LRP1B: variants seen among roughly 807,000 people sequenced by gnomAD.
LRP1B encodes low-density lipoprotein receptor-related protein 1B.
In LRP1B, 217 loss-of-function variants were observed where a neutral mutation model predicts 556.6. That is an observed-to-expected ratio of 0.39 (90% CI 0.35 to 0.44). LRP1B has a LOEUF of 0.44. LRP1B is among the 20% of genes least tolerant of loss of function. The pLI is 1.00. For synonymous variants in LRP1B, 2,047 were observed against 1,865.8 expected, an observed-to-expected ratio of 1.10 and a Z score of -2.50; for missense variants, 5,053 against 5,620.8, an observed-to-expected ratio of 0.90 and a Z score of 3.23.
chr2:141,019,131 A>G (rs1697993740), intron 12 of LRP1B, among the ~76,000 whole-genome samples: 1 of 152,124 alleles, frequency 6.6e-6, no homozygotes. Flanking sequence ...CATCTTTGAT[A>G]TTTCTATAAG....
At chr2:140,670,446 A>G (rs1685438129) in intron 41 of LRP1B, among the ~76,000 whole-genome samples, 1 of 152,202 alleles carries the variant, frequency 6.6e-6, no homozygotes, top group Non-Finnish European at 1.5e-5. Flanking sequence ...TAAATTTGCA[A>G]GTAATGGATA....
intron 51 of LRP1B, among the ~76,000 whole-genome samples, chr2:140,514,026 A>G (rs1052754041): frequency 2.0e-5 from 3 of 152,010 alleles, no homozygotes; most frequent in Admixed American, 1.3e-4. Flanking sequence ...GAATAATTCT[A>G]TTTAACTATT....
intron 2 of LRP1B, among the ~76,000 whole-genome samples, chr2:141,644,406 G>T (rs963144795): frequency 3.9e-5 from 6 of 152,034 alleles, no homozygotes; most frequent in African/African-American, 1.4e-4. Flanking sequence ...ATGATAGTGA[G>T]GGCGCCCAGC....
chr2:140,289,301 G>A (rs563544548), intron 84 of LRP1B, among the ~76,000 whole-genome samples: 3 of 151,884 alleles, frequency 2.0e-5, no homozygotes, highest in South Asian at 2.1e-4. Context: ...TTCGAAGTCC[G>A]CTTTATCTAA....
chr2:140,623,412 C>A (rs1181179167), intron 41 of LRP1B, among the ~76,000 whole-genome samples: 1 of 151,756 alleles, frequency 6.6e-6, no homozygotes, highest in African/African-American at 2.4e-5. Context: ...AATTTTTTCT[C>A]CTTATCTAGT....
At chr2:141,043,171 C>G (rs903490168) in intron 11 of LRP1B, among the ~76,000 whole-genome samples, 1 of 149,662 alleles carries the variant, frequency 6.7e-6, no homozygotes, top group Non-Finnish European at 1.5e-5. Flanking sequence ...CCACTGCACT[C>G]CAGCCTGGAT....
At chr2:141,362,153 A>C (rs1688847148) in intron 3 of LRP1B, among the ~76,000 whole-genome samples, 1 of 152,152 alleles carries the variant, frequency 6.6e-6, no homozygotes, top group Non-Finnish European at 1.5e-5. Context: ...CCTTTTCATC[A>C]GTTATTTCTT....
At chr2:141,487,516 T>C (rs1683164672) in intron 2 of LRP1B, among the ~76,000 whole-genome samples, 2 of 152,172 alleles carry the variant, frequency 1.3e-5, no homozygotes. Flanking sequence ...AAAATTATAA[T>C]GGTTCTCAAT....
At chr2:140,922,701 C>T (rs891765495) in intron 21 of LRP1B, among the ~76,000 whole-genome samples, 6 of 151,940 alleles carry the variant, frequency 3.9e-5, no homozygotes, top group Admixed American at 3.9e-4. Flanking sequence ...AAATTAAATC[C>T]TAAGTCTGAC....
chr2:140,382,213 T>G (rs1308593505), intron 67 of LRP1B, among the ~76,000 whole-genome samples: 2 of 152,160 alleles, frequency 1.3e-5, no homozygotes, highest in African/African-American at 4.8e-5. Context: ...ACAAATAATC[T>G]TCTGATAGAA....
intron 7 of LRP1B, among the ~76,000 whole-genome samples, chr2:141,137,920 A>G (rs547776135): frequency 6.6e-6 from 1 of 151,838 alleles, no homozygotes; most frequent in East Asian, 1.9e-4. Context: ...TACCAAGGAA[A>G]GTACTTCCAA....
intron 6 of LRP1B, among the ~76,000 whole-genome samples, chr2:141,207,597 T>TTG (rs1379176690): frequency 6.6e-6 from 1 of 152,148 alleles, no homozygotes; most frequent in Admixed American, 6.5e-5. Context: ...AAATAATATT[T>TTG]TGTGTGTGTG....
chr2:142,040,447 C>A (rs963139096), intron 1 of LRP1B, among the ~76,000 whole-genome samples: 4 of 151,280 alleles, frequency 2.6e-5, no homozygotes, highest in African/African-American at 9.7e-5. Flanking sequence ...TCCCTTATCT[C>A]TTTTTTAGTT....
intron 31 of LRP1B, among the ~76,000 whole-genome samples, chr2:140,816,772 A>T (rs1181472023): frequency 1.3e-5 from 2 of 152,094 alleles, no homozygotes; most frequent in Non-Finnish European, 2.9e-5. Flanking sequence ...AAAACTGGTG[A>T]CATATGCTTT....
chr2:140,472,072 C>A (rs930449603), intron 60 of LRP1B, among the ~76,000 whole-genome samples: 1 of 152,176 alleles, frequency 6.6e-6, no homozygotes. Context: ...TTTGCACCTA[C>A]TTCTTACCCA....
chr2:140,366,779 G>T (rs1682781196), intron 71 of LRP1B, among the ~76,000 whole-genome samples: 1 of 151,620 alleles, frequency 6.6e-6, no homozygotes, highest in Non-Finnish European at 1.5e-5. Context: ...GGAGGTGAAT[G>T]CCAACGTATC....
intron 37 of LRP1B, among the ~76,000 whole-genome samples, chr2:140,707,280 G>T (rs539483831): frequency 6.6e-6 from 1 of 152,222 alleles, no homozygotes; most frequent in South Asian, 2.1e-4. Flanking sequence ...GCACAGAAAT[G>T]AAGATCAGGT....
At chr2:141,300,681 C>T (rs1046636330) in intron 3 of LRP1B, among the ~76,000 whole-genome samples, 1 of 152,168 alleles carries the variant, frequency 6.6e-6, no homozygotes, top group Non-Finnish European at 1.5e-5. Context: ...TCCCCCGCCC[C>T]TCTCGCTCTT....
At chr2:141,371,083 A>C (rs909359758) in intron 3 of LRP1B, among the ~76,000 whole-genome samples, 3 of 152,076 alleles carry the variant, frequency 2.0e-5, no homozygotes, top group African/African-American at 7.2e-5. Context: ...TTCTGGGTTC[A>C]AGTGATTCTC....
Sources: gnomAD v4.1 joint callset for allele counts (sites outside exome capture counted in the v4.1 genomes callset) on GRCh38, gnomAD v4.1.1 for gene constraint, MANE v1.5 for transcripts, NCBI Gene and HGNC (gene_info 2026-07-23, HGNC 2026-07-21) for gene names.